MINDY2: variants seen among roughly 807,000 people sequenced by gnomAD.
The protein encoded by MINDY2 is MINDY lysine 48 deubiquitinase 2, also known as ubiquitin carboxyl-terminal hydrolase MINDY-2.
MINDY2 carries 52 observed loss-of-function variants against 68.2 expected under a neutral mutation model. That is an observed-to-expected ratio of 0.76 (90% CI 0.61 to 0.96). MINDY2 has a LOEUF of 0.96. Ranked by LOEUF, MINDY2 falls within the 40% of genes least tolerant of loss-of-function variation. The pLI, the probability that MINDY2 is intolerant of heterozygous loss-of-function variation, is 0.00. For synonymous variants in MINDY2, 372 were observed against 303.0 expected, an observed-to-expected ratio of 1.23 and a Z score of -2.36; for missense variants, 881 against 773.4, an observed-to-expected ratio of 1.14 and a Z score of -1.65.
chr15:58,859,756 G>A lies in MINDY2; in HGVS notation c.*5146G>A, dbSNP rs760655848. On this transcript the variant is annotated 3_prime_UTR_variant, in exon 9 of 9. Coordinates refer to ENST00000559228, the MANE Select transcript of MINDY2 (RefSeq NM_001040450.3). Reference sequence around the variant, plus strand: ...ATGCATGTTCTTACTTAATCCTGGTGTTTTTGCTCTTAGATGTTAGAGTTT... The same window carrying A: ...ATGCATGTTCTTACTTAATCCTGGTATTTTTGCTCTTAGATGTTAGAGTTT... 1 of 152,108 alleles carries A rather than the reference G, an allele frequency of 6.6e-6. No homozygotes were observed. Among genetic ancestry groups the A allele is most frequent in the Non-Finnish European group, 1.5e-5 (1 of 68,024 alleles). 9.4% of individuals were successfully genotyped at this position (152,108 alleles called of 1,614,324 possible). A position where few individuals can be genotyped will look rare whatever the true frequency, so the allele number is the denominator to read the frequency against.
rs575662718 is a variant in MINDY2 at position 58,851,815 on chromosome 15, A to G, written c.1587A>G (p.Gln529=). ...ALSLQQEQQS[Q]EINWEQIPEG... is the part of the protein sequence containing the mutation. ...CTCTACAACAAGAACAGCAGAGCCA[A>G]GAGATCAATTGGGAACAAATCCCGG... is the stretch of plus-strand genomic sequence containing the variant. The change falls in exon 8 of 9, where the codon CAA becomes CAG. Residue 529 remains glutamine, a synonymous_variant. Coordinates refer to ENST00000559228, the MANE Select transcript of MINDY2 (RefSeq NM_001040450.3). The G allele has an allele frequency of 5.6e-6, 9 of 1,608,438 alleles. No individual in the cohort carries two copies. In the Admixed American group the frequency reaches 1.5e-4, roughly 28 times the overall value.
chr15:58,824,918 C>G (rs559251846), intron 5 of MINDY2, among the ~76,000 whole-genome samples: 135 of 152,224 alleles, frequency 8.9e-4, no homozygotes, highest in African/African-American at 2.9e-3. Flanking sequence ...GATCCGCCAG[C>G]CTCAACCTCC....
At chr15:58,816,940 G>A (rs900784190) in intron 4 of MINDY2, among the ~76,000 whole-genome samples, 5 of 152,030 alleles carry the variant, frequency 3.3e-5, no homozygotes, top group Admixed American at 1.3e-4. Flanking sequence ...CTCCAGCCTG[G>A]GCAATATACT....
chr15:58,800,115 A>G (rs1164822984), intron 2 of MINDY2, among the ~76,000 whole-genome samples: 1 of 152,126 alleles, frequency 6.6e-6, no homozygotes, highest in Non-Finnish European at 1.5e-5. Context: ...TTTTTTCCAA[A>G]TGTTCACCTG....
At position 58,831,015 on chromosome 15, in the gene MINDY2, TTG is replaced by T. The variant is rs369645565; in HGVS notation, c.1226-733_1226-732del. ...GATCGATTGTGTATATGAAGATCAGTTGTGTGTGTGTGTGTGTGTGTGTGTGT... is the reference window on the plus strand; with the variant it reads ...GATCGATTGTGTATATGAAGATCAGTTGTGTGTGTGTGTGTGTGTGTGTGT... On this transcript the variant is annotated intron_variant, in intron 5 of 8. Transcript: ENST00000559228. 1.0e-3 allele frequency among the ~76,000 whole-genome samples: 139 copies of T among 133,616 alleles called. 3 individuals carry two copies. Among genetic ancestry groups the T allele is most frequent in the South Asian group, 4.4e-3 (19 of 4,282 alleles). The allele number at this position is 133,616 out of a possible 152,430, so 87.7% of individuals were successfully genotyped here.
intron 6 of MINDY2, among the ~76,000 whole-genome samples, chr15:58,844,521 C>T (rs2032432186): frequency 7.3e-6 from 1 of 137,314 alleles, no homozygotes; most frequent in South Asian, 2.3e-4. Context: ...CACTGCACTC[C>T]AGTACTCCAG....
intron 1 of MINDY2, among the ~76,000 whole-genome samples, chr15:58,784,001 T>A (rs11631334): frequency 0.029 from 4,421 of 152,180 alleles, 68 homozygotes; most frequent in Middle Eastern, 0.044. Flanking sequence ...TATTTTCTTT[T>A]ATTAATTTAA....
chr15:58,860,501 A>C lies in MINDY2; in HGVS notation c.*5891A>C, dbSNP rs1325979465. ...AGGCGCAAGAATCGCTTGAACCCGG[A>C]AGGCAGAGGTTGCAGTGAGCCAAGA... On this transcript the variant is annotated 3_prime_UTR_variant, in exon 9 of 9. Coordinates refer to ENST00000559228, the MANE Select transcript of MINDY2 (RefSeq NM_001040450.3). 3 of 151,712 alleles carry C rather than the reference A, an allele frequency of 2.0e-5. No individual in the cohort carries two copies. The East Asian group carries it at 5.8e-4, about 29-fold the overall frequency. 9.4% of individuals were successfully genotyped at this position (151,712 alleles called of 1,614,324 possible).
At chr15:58,838,322 C>A (rs1226423454) in intron 6 of MINDY2, among the ~76,000 whole-genome samples, 1 of 151,802 alleles carries the variant, frequency 6.6e-6, no homozygotes, top group African/African-American at 2.4e-5. Flanking sequence ...CGCTTGAATC[C>A]AGGAGGCGGA....
intron 7 of MINDY2, 108 bp downstream of exon 7, chr15:58,847,578 G>A (rs2032599185): frequency 1.1e-6 from 1 of 918,744 alleles, no homozygotes; most frequent in South Asian, 2.5e-5. Context: ...CAATATGCTT[G>A]TGAAATTTTC....
At chr15:58,785,245 C>T (rs537911572) in intron 1 of MINDY2, among the ~76,000 whole-genome samples, 49 of 151,112 alleles carry the variant, frequency 3.2e-4, no homozygotes, top group Admixed American at 2.6e-4. Flanking sequence ...GTGAAGTAGG[C>T]ACTTTTTAGT....
At chr15:58,842,220 A>G (rs2032319892) in intron 6 of MINDY2, among the ~76,000 whole-genome samples, 1 of 152,050 alleles carries the variant, frequency 6.6e-6, no homozygotes, top group East Asian at 1.9e-4. Context: ...TCTCTGAAGT[A>G]TATTCAGTCC....
intron 7 of MINDY2, among the ~76,000 whole-genome samples, 197 bp downstream of exon 7, chr15:58,847,667 T>G (rs1654551279): frequency 6.6e-6 from 1 of 152,246 alleles, no homozygotes; most frequent in Non-Finnish European, 1.5e-5. Flanking sequence ...CAGATCATAT[T>G]GAACTGTGAA....
At chr15:58,846,897 G>C (rs1425890612) in intron 6 of MINDY2, among the ~76,000 whole-genome samples, 2 of 151,892 alleles carry the variant, frequency 1.3e-5, no homozygotes, top group Non-Finnish European at 2.9e-5. Context: ...GTGTGGATTG[G>C]ACTAGTCATG....
At chr15:58,797,617 T>C (rs1902369969) in intron 2 of MINDY2, among the ~76,000 whole-genome samples, 1 of 152,240 alleles carries the variant, frequency 6.6e-6, no homozygotes, top group African/African-American at 2.4e-5. Context: ...GCTTGCATTA[T>C]ATTTCAACTG....
At chr15:58,827,364 C>T (rs1379533663) in intron 5 of MINDY2, among the ~76,000 whole-genome samples, 1 of 152,076 alleles carries the variant, frequency 6.6e-6, no homozygotes, top group African/African-American at 2.4e-5. Context: ...GTTATTCCTT[C>T]TGTTTATTAG....
intron 1 of MINDY2, among the ~76,000 whole-genome samples, chr15:58,784,073 A>C (rs688756): frequency 0.58 from 88,240 of 152,000 alleles, 28,318 homozygotes; most frequent in East Asian, 0.94. Flanking sequence ...CACCTGTAAT[A>C]CCAGCAATTT....
intron 4 of MINDY2, among the ~76,000 whole-genome samples, chr15:58,820,320 T>C (rs1174446096): frequency 2.6e-5 from 4 of 151,764 alleles, no homozygotes; most frequent in African/African-American, 9.7e-5. Flanking sequence ...GGCGGGCGCC[T>C]GTAATCCCTG....
At chr15:58,816,980 GA>G (rs142972693) in intron 4 of MINDY2, among the ~76,000 whole-genome samples, 3,210 of 151,464 alleles carry the variant, frequency 0.021, 105 homozygotes, top group African/African-American at 0.07. Flanking sequence ...CATGGAGGGG[GA>G]AAAAAAAGTT....
Sources: allele counts gnomAD v4.1 joint callset (sites outside exome capture counted in the v4.1 genomes callset), GRCh38; gene constraint gnomAD v4.1.1; transcripts MANE v1.5; gene names NCBI Gene and HGNC (gene_info 2026-07-23, HGNC 2026-07-21).